Variants in C4BPA observed in about 807,000 individuals in gnomAD.
C4BPA encodes C4b-binding protein alpha chain.
Under a neutral mutation model 63.7 loss-of-function variants are expected in C4BPA, and 31 were observed. The observed-to-expected ratio is 0.49, with a 90% CI of 0.37 to 0.66. The LOEUF (loss-of-function observed/expected upper bound fraction) is 0.66. C4BPA is among the 30% of genes least tolerant of loss of function. C4BPA has a pLI of 0.00. For missense variants in C4BPA, 572 were observed against 723.3 expected (o/e 0.79, Z 2.40); for synonymous variants, 259 against 254.7 (o/e 1.02, Z -0.16).
Position 207,114,294 on chromosome 1 carries a change from C to A in C4BPA, c.328+9C>A. The A allele has an allele frequency of 1.3e-6, 2 of 1,580,704 alleles. No individual in the cohort carries two copies. The highest frequency in any genetic ancestry group is 1.2e-5 in the South Asian group (1 of 85,668). On this transcript the variant is annotated intron_variant, in intron 3 of 11. Transcript: ENST00000367070. ...TAACACCTTCTGTATCTGTAAGTAT[C>A]AACATTTATTTTTTTCCTTTGCTTT...
intron 1 of C4BPA, among the ~76,000 whole-genome samples, chr1:207,107,763 G>A (rs965040650): frequency 1.3e-5 from 2 of 152,202 alleles, no homozygotes; most frequent in Non-Finnish European, 1.5e-5. Flanking sequence ...ATAAATGTTT[G>A]AAGGCTTTTG....
chr1:207,140,291 T>C (rs1685386111), intron 9 of C4BPA, among the ~76,000 whole-genome samples: 1 of 152,222 alleles, frequency 6.6e-6, no homozygotes, highest in African/African-American at 2.4e-5. Context: ...GGTGCGTTTT[T>C]CAGTGTACAC....
chr1:207,107,380 C>A (rs1684582735), intron 1 of C4BPA, among the ~76,000 whole-genome samples: 1 of 152,136 alleles, frequency 6.6e-6, no homozygotes, highest in South Asian at 2.1e-4. Flanking sequence ...AGACCCCTGT[C>A]TTTACAAAAA....
Position 207,141,203 on chromosome 1 carries a change from C to G in C4BPA, c.1371C>G (p.Gly457=). 3.1e-6 allele frequency: 5 copies of G among 1,613,382 alleles called. No individual in the cohort carries two copies. Among genetic ancestry groups the G allele is most frequent in the Non-Finnish European group, 4.2e-6 (5 of 1,179,442 alleles). The change falls in exon 10 of 12, where the codon GGC becomes GGG. Residue 457 remains glycine, a synonymous_variant. Transcript: ENST00000367070. ...AGATTATATATGAATGTGATAAAGG[C>G]TACATTCTGGTCGGACAGGCGAAAC... ...KEEIIYECDK[G]YILVGQAKLS...
rs112839397 is a variant in C4BPA at position 207,123,824 on chromosome 1, T to C, written c.429-98T>C. On this transcript the variant is annotated intron_variant, in intron 4 of 11. Transcript: ENST00000367070. ...GATATCCAAGAACATATGATTTCCTTATTTTAATATTGAGTAACAATTCTA... is the reference window on the plus strand; with the variant it reads ...GATATCCAAGAACATATGATTTCCTCATTTTAATATTGAGTAACAATTCTA... The C allele has an allele frequency of 5.0e-5, 35 of 695,120 alleles. 1 individual carries two copies. The highest frequency in any genetic ancestry group is 3.2e-4 in the Middle Eastern group (1 of 3,108). 43.1% of individuals were successfully genotyped at this position (695,120 alleles called of 1,614,324 possible).
At chr1:207,124,050 G>C (rs1307838203) in intron 5 of C4BPA, 43 bp downstream of exon 5, 1 of 1,520,650 alleles carries the variant, frequency 6.6e-7, no homozygotes, top group Non-Finnish European at 9.1e-7. Flanking sequence ...TTTAAACTCT[G>C]TTAGGTAATA....
At chr1:207,109,013 G>T (rs761777851) in intron 1 of C4BPA, among the ~76,000 whole-genome samples, 2 of 152,132 alleles carry the variant, frequency 1.3e-5, no homozygotes, top group Admixed American at 6.5e-5. Flanking sequence ...GAGCTACCGC[G>T]TCTGACCTGT....
intron 4 of C4BPA, among the ~76,000 whole-genome samples, chr1:207,120,249 A>G (rs2102337381): frequency 6.6e-6 from 1 of 152,324 alleles, no homozygotes; most frequent in Non-Finnish European, 1.5e-5. Context: ...GGTAAAATAC[A>G]GGATGCCCAG....
intron 3 of C4BPA, 72 bp downstream of exon 3, chr1:207,114,357 C>A: frequency 8.3e-7 from 1 of 1,204,764 alleles, no homozygotes; most frequent in South Asian, 1.4e-5. Context: ...ACTAAATTTT[C>A]TGAATCTTTA....
intron 9 of C4BPA, among the ~76,000 whole-genome samples, chr1:207,136,774 G>C (rs1167041618): frequency 6.6e-6 from 1 of 152,126 alleles, no homozygotes; most frequent in Non-Finnish European, 1.5e-5. Context: ...TTCAGAAAGG[G>C]CTAGCTGTCC....
chr1:207,138,901 C>T (rs1685351273), intron 9 of C4BPA, among the ~76,000 whole-genome samples: 1 of 152,150 alleles, frequency 6.6e-6, no homozygotes, highest in East Asian at 1.9e-4. Flanking sequence ...GTGGCAAACA[C>T]CTGACTCTAT....
intron 7 of C4BPA, chr1:207,127,445 C>T (rs1291187675): frequency 6.6e-6 from 1 of 152,172 alleles, no homozygotes; most frequent in Non-Finnish European, 1.5e-5. Context: ...AACAAATCCT[C>T]CCAACAATTG....
intron 1 of C4BPA, among the ~76,000 whole-genome samples, chr1:207,105,183 A>G (rs915601704): frequency 1.3e-5 from 2 of 152,244 alleles, no homozygotes; most frequent in Admixed American, 6.5e-5. Flanking sequence ...GAAGAGGCAG[A>G]AGCATCAAAG....
intron 11 of C4BPA, 102 bp from the exon 12 acceptor site, chr1:207,144,442 T>G (rs1685488345): frequency 3.2e-6 from 3 of 945,352 alleles, no homozygotes; most frequent in Non-Finnish European, 4.6e-6. Context: ...AGTCTGAGGT[T>G]GGTCTTGGTT....
intron 8 of C4BPA, among the ~76,000 whole-genome samples, chr1:207,133,473 A>T (rs1386923710): frequency 6.6e-6 from 1 of 152,240 alleles, no homozygotes; most frequent in African/African-American, 2.4e-5. Flanking sequence ...TTAAAAAATT[A>T]AAGAATTTGG....
Position 207,124,273 on chromosome 1 carries a change from C to T in C4BPA, c.613C>T (p.Pro205Ser), listed in dbSNP as rs780844313. 2 of 1,613,790 alleles carry T rather than the reference C, an allele frequency of 1.2e-6. No individual in the cohort carries two copies. The highest frequency in any genetic ancestry group is 2.2e-5 in the East Asian group (1 of 44,858). Residue 205 changes from proline (P) to serine (S), a missense_variant, in exon 6 of 12, where the codon CCC becomes TCC. Pro to Ser is a moderately conservative substitution (Grantham distance 74). Transcript: ENST00000367070. ...CTTTTCTGTCACCTACAGCTGTGAC[C>T]CCCGCTTCTCACTCTTGGGCCATGC... ...YGFSVTYSCDPRFSLLGHASI... is the reference protein window; with the variant it reads ...YGFSVTYSCDSRFSLLGHASI...
intron 8 of C4BPA, among the ~76,000 whole-genome samples, chr1:207,132,061 G>A (rs1317224988): frequency 6.6e-6 from 1 of 152,148 alleles, no homozygotes; most frequent in Non-Finnish European, 1.5e-5. Flanking sequence ...TCAGAGTCAG[G>A]CTTCCTTCAT....
At chr1:207,131,461 C>T (rs1249275232) in intron 7 of C4BPA, 85 bp from the exon 8 acceptor site, 1 of 904,294 alleles carries the variant, frequency 1.1e-6, no homozygotes, top group Non-Finnish European at 1.7e-6. Context: ...CGTATGACCC[C>T]CTTTGATAGG....
At chr1:207,134,354 C>A in intron 8 of C4BPA, 50 bp from the exon 9 acceptor site, 2 of 1,362,710 alleles carry the variant, frequency 1.5e-6, no homozygotes, top group South Asian at 1.3e-5. Context: ...GCCATAGAAG[C>A]TTCCTCATGG....
Sources: allele counts gnomAD v4.1 joint callset (sites outside exome capture counted in the v4.1 genomes callset), GRCh38; gene constraint gnomAD v4.1.1; transcripts MANE v1.5; gene names NCBI Gene and HGNC (gene_info 2026-07-23, HGNC 2026-07-21).